NTM: variants seen among roughly 807,000 people sequenced by gnomAD.
The protein encoded by NTM is neurotrimin, also known as IgLON family member 2.
NTM carries 13 observed loss-of-function variants against 42.1 expected under a neutral mutation model. The observed-to-expected ratio is 0.31, with a 90% CI of 0.20 to 0.49. NTM has a LOEUF of 0.49. Ranked by LOEUF, NTM falls within the 20% of genes least tolerant of loss-of-function variation. The probability of loss-of-function intolerance (pLI) is 0.99; values close to 1 mark genes in which losing one functional copy is unlikely to be tolerated. For missense variants in NTM, 373 were observed against 452.8 expected (o/e 0.82, Z 1.60); for synonymous variants, 187 against 179.2 (o/e 1.04, Z -0.35).
intron 1 of NTM, among the ~76,000 whole-genome samples, chr11:131,451,879 G>A (rs1421158610): frequency 1.3e-5 from 2 of 152,184 alleles, no homozygotes; most frequent in Admixed American, 6.5e-5. Context: ...ACCAGGGCAT[G>A]AAGGCATCAG....
intron 1 of NTM, among the ~76,000 whole-genome samples, chr11:131,676,867 G>A (rs1335375511): frequency 6.6e-6 from 1 of 152,216 alleles, no homozygotes; most frequent in Non-Finnish European, 1.5e-5. Flanking sequence ...CTCTGGAGTA[G>A]TCTGAATAAT....
chr11:131,711,882 CA>C (rs1467614630), intron 1 of NTM, among the ~76,000 whole-genome samples: 11 of 145,258 alleles, frequency 7.6e-5, no homozygotes, highest in East Asian at 2.1e-4. Context: ...ATCGCAAGGA[CA>C]AAAAAACCAA....
At chr11:131,657,086 A>T (rs1592392019) in intron 1 of NTM, among the ~76,000 whole-genome samples, 1 of 140,912 alleles carries the variant, frequency 7.1e-6, no homozygotes, top group Non-Finnish European at 1.5e-5. Flanking sequence ...TTCAGATGAA[A>T]CCCTCTTTGA....
At chr11:131,698,136 C>G (rs951024206) in intron 1 of NTM, among the ~76,000 whole-genome samples, 1 of 152,090 alleles carries the variant, frequency 6.6e-6, no homozygotes, top group African/African-American at 2.4e-5. Flanking sequence ...GATCTTTTTT[C>G]TAATTCAACT....
intron 2 of NTM, among the ~76,000 whole-genome samples, chr11:132,024,939 T>G (rs1291965800): frequency 6.6e-6 from 1 of 152,202 alleles, no homozygotes; most frequent in Non-Finnish European, 1.5e-5. Context: ...CACCCTGAGA[T>G]CCTAGTGGCT....
chr11:131,724,700 A>G (rs2078752181), intron 1 of NTM, among the ~76,000 whole-genome samples: 1 of 152,164 alleles, frequency 6.6e-6, no homozygotes, highest in East Asian at 1.9e-4. Flanking sequence ...CTGAGAAAAG[A>G]AAGGAACGAC....
At chr11:131,653,173 T>C (rs1749276240) in intron 1 of NTM, among the ~76,000 whole-genome samples, 1 of 152,232 alleles carries the variant, frequency 6.6e-6, no homozygotes, top group African/African-American at 2.4e-5. Context: ...AGAAGAGACT[T>C]CGGTCCCTGC....
At chr11:131,661,624 G>T (rs2068085736) in intron 1 of NTM, among the ~76,000 whole-genome samples, 1 of 152,162 alleles carries the variant, frequency 6.6e-6, no homozygotes, top group Non-Finnish European at 1.5e-5. Context: ...AAAAGAGCTG[G>T]GGGCTGGTTT....
intron 2 of NTM, among the ~76,000 whole-genome samples, chr11:132,110,516 T>A (rs970559110): frequency 2.6e-5 from 4 of 152,240 alleles, no homozygotes; most frequent in Non-Finnish European, 4.4e-5. Flanking sequence ...TGCCTTTCCA[T>A]TTTTGGCTGA....
intron 2 of NTM, among the ~76,000 whole-genome samples, chr11:131,984,866 A>G (rs2065823185): frequency 6.6e-6 from 1 of 152,202 alleles, no homozygotes; most frequent in African/African-American, 2.4e-5. Flanking sequence ...ATGTGGATAC[A>G]TTGGGATACT....
At chr11:132,163,351 G>A (rs1227155412) in intron 3 of NTM, among the ~76,000 whole-genome samples, 2 of 152,134 alleles carry the variant, frequency 1.3e-5, no homozygotes, top group Non-Finnish European at 1.5e-5. Flanking sequence ...TCATGTCGTC[G>A]AACTTTTAGA....
intron 1 of NTM, among the ~76,000 whole-genome samples, chr11:131,906,780 T>G (rs928075929): frequency 1.1e-4 from 16 of 152,100 alleles, no homozygotes; most frequent in African/African-American, 3.4e-4. Context: ...CTTCATATCC[T>G]CCTTCTCAGT....
chr11:131,912,537 A>G (rs1225460869), intron 2 of NTM, among the ~76,000 whole-genome samples: 1 of 152,210 alleles, frequency 6.6e-6, no homozygotes, highest in East Asian at 1.9e-4. Flanking sequence ...CACCTCTCAT[A>G]TGCGGGCAAA....
In NTM at chr11:131,840,137, T is replaced by C. The variant is rs115581788; in HGVS notation, c.83-71427T>C. On this transcript the variant is annotated intron_variant, in intron 1 of 8. Transcript: ENST00000683400. ...GCGATTGCATATACACTCCTGTGAC[T>C]CAGGAATGTACCAGACACATGCATT... Among the ~76,000 whole-genome samples the C allele has an allele frequency of 5.7e-3, 866 of 152,252 alleles. 10 individuals are homozygous for C. Among genetic ancestry groups the C allele is most frequent in the African/African-American group, 0.02 (827 of 41,548 alleles).
At chr11:132,046,998 A>G (rs2078111113) in intron 2 of NTM, among the ~76,000 whole-genome samples, 1 of 152,236 alleles carries the variant, frequency 6.6e-6, no homozygotes, top group Non-Finnish European at 1.5e-5. Context: ...GGAATTTCAA[A>G]GTTAATCTCC....
chr11:131,813,078 G>T (rs1466722540), intron 1 of NTM, among the ~76,000 whole-genome samples: 9 of 152,176 alleles, frequency 5.9e-5, no homozygotes, highest in African/African-American at 2.2e-4. Flanking sequence ...ATCAATTGTG[G>T]TAAGGAAGTT....
At position 131,424,801 on chromosome 11, in the gene NTM, C is replaced by T. The variant is rs1947943619; in HGVS notation, c.82+53913C>T. 2.7e-5 allele frequency among the ~76,000 whole-genome samples: 4 copies of T among 146,700 alleles called. No individual in the cohort carries two copies. In the Admixed American group the frequency reaches 2.8e-4, roughly 10 times the overall value. On this transcript the variant is annotated intron_variant, in intron 1 of 8. Coordinates refer to ENST00000683400, the MANE Select transcript of NTM (RefSeq NM_001352005.2). Reference sequence around the variant, plus strand: ...AGCCAGGAAGGTCTGGATCTTCTGACCTCGTGATCTGCCTGCCTTGGCCTC... The same window carrying T: ...AGCCAGGAAGGTCTGGATCTTCTGATCTCGTGATCTGCCTGCCTTGGCCTC...
At chr11:132,262,824 G>A (rs559243319) in intron 4 of NTM, among the ~76,000 whole-genome samples, 5 of 152,224 alleles carry the variant, frequency 3.3e-5, no homozygotes, top group South Asian at 2.1e-4. Flanking sequence ...GTCTTAACTC[G>A]CTCCAGAATG....
intron 2 of NTM, among the ~76,000 whole-genome samples, chr11:131,926,488 C>T (rs182225942): frequency 6.6e-6 from 1 of 151,884 alleles, no homozygotes; most frequent in East Asian, 1.9e-4. Context: ...GGCAGAGTAT[C>T]GGCAAGTGGA....
Sources: gnomAD v4.1 joint callset for allele counts (sites outside exome capture counted in the v4.1 genomes callset) on GRCh38, gnomAD v4.1.1 for gene constraint, MANE v1.5 for transcripts, NCBI Gene and HGNC (gene_info 2026-07-23, HGNC 2026-07-21) for gene names.